The following BRINP3 variants were observed in gnomAD, a reference collection of about 807,000 sequenced individuals.
The protein encoded by BRINP3 is BMP/retinoic acid-inducible neural-specific protein 3.
Under a neutral mutation model 71.0 loss-of-function variants are expected in BRINP3, and 19 were observed. That is an observed-to-expected ratio of 0.27 (90% CI 0.19 to 0.39). The LOEUF is 0.39. Among genes scored for constraint, BRINP3 ranks in the 10% least tolerant of loss-of-function variants. The pLI, the probability that BRINP3 is intolerant of heterozygous loss-of-function variation, is 1.00. For synonymous variants in BRINP3, 380 were observed against 337.7 expected (o/e 1.13, Z -1.37); for missense variants, 959 against 940.8 (o/e 1.02, Z -0.25).
intron 7 of BRINP3, among the ~76,000 whole-genome samples, chr1:190,122,592 AG>A (rs1653763632): frequency 3.6e-5 from 1 of 28,078 alleles, no homozygotes. Context: ...GGGGTGGGGG[AG>A]GGGGAGGGAT....
chr1:190,475,537 G>A (rs1179324351), intron 1 of BRINP3, among the ~76,000 whole-genome samples: 1 of 152,144 alleles, frequency 6.6e-6, no homozygotes, highest in Non-Finnish European at 1.5e-5. Flanking sequence ...TTTCCTACAC[G>A]CATGGGTTAT....
chr1:190,210,383 T>C (rs972350952), intron 6 of BRINP3, among the ~76,000 whole-genome samples: 3 of 152,126 alleles, frequency 2.0e-5, no homozygotes, highest in Admixed American at 6.6e-5. Context: ...TTTGATTTTA[T>C]GATGCTGAAT....
chr1:190,340,739 CA>C (rs531423125), intron 2 of BRINP3, among the ~76,000 whole-genome samples: 42 of 144,698 alleles, frequency 2.9e-4, no homozygotes, highest in East Asian at 2.3e-3. Flanking sequence ...TAGGCCCTGT[CA>C]AAAAAAAAAA....
chr1:190,456,461 A>G (rs1474762611), intron 1 of BRINP3, among the ~76,000 whole-genome samples: 2 of 152,168 alleles, frequency 1.3e-5, no homozygotes, highest in Admixed American at 6.5e-5. Flanking sequence ...TAATAGAAGA[A>G]TTTTGGAATA....
intron 7 of BRINP3, among the ~76,000 whole-genome samples, chr1:190,103,333 C>T (rs1014599827): frequency 6.6e-6 from 1 of 152,042 alleles, no homozygotes; most frequent in African/African-American, 2.4e-5. Context: ...ACGACAGAGT[C>T]TTACACTGGG....
intron 3 of BRINP3, among the ~76,000 whole-genome samples, chr1:190,273,929 T>C (rs1007669937): frequency 1.3e-5 from 2 of 151,638 alleles, no homozygotes; most frequent in African/African-American, 2.4e-5. Context: ...CATGCATACA[T>C]AGTTTCATGA....
chr1:190,459,301 T>A (rs915381786), intron 1 of BRINP3, among the ~76,000 whole-genome samples: 2 of 151,684 alleles, frequency 1.3e-5, no homozygotes, highest in African/African-American at 4.8e-5. Flanking sequence ...ATAAATAATA[T>A]GTGTATAATA....
intron 2 of BRINP3, among the ~76,000 whole-genome samples, chr1:190,391,443 G>A (rs1220100742): frequency 6.6e-6 from 1 of 151,632 alleles, no homozygotes; most frequent in Non-Finnish European, 1.5e-5. Flanking sequence ...ATTTTAATTG[G>A]AAAGATCATT....
At chr1:190,128,737 G>A (rs1416307534) in intron 7 of BRINP3, among the ~76,000 whole-genome samples, 1 of 151,720 alleles carries the variant, frequency 6.6e-6, no homozygotes, top group African/African-American at 2.4e-5. Context: ...ACCTATGCAC[G>A]AAGTAGCAGA....
At chr1:190,156,596 T>C (rs1656886929) in intron 7 of BRINP3, among the ~76,000 whole-genome samples, 2 of 152,000 alleles carry the variant, frequency 1.3e-5, no homozygotes, top group Non-Finnish European at 2.9e-5. Flanking sequence ...AATGTTACAT[T>C]GGCAGTAAAA....
intron 2 of BRINP3, among the ~76,000 whole-genome samples, chr1:190,427,398 A>C (rs2102488901): frequency 6.6e-6 from 1 of 152,136 alleles, no homozygotes; most frequent in South Asian, 2.1e-4. Context: ...ATAAAGAAAT[A>C]AGTCATACAG....
At chr1:190,247,034 T>C (rs567522784) in intron 4 of BRINP3, among the ~76,000 whole-genome samples, 2 of 152,100 alleles carry the variant, frequency 1.3e-5, no homozygotes, top group East Asian at 1.9e-4. Context: ...GTTTAAGCTA[T>C]GAAGAATAAC....
rs113100700 is a variant in BRINP3 at position 190,225,716 on chromosome 1, A to G, written c.961+366T>C. Among the ~76,000 whole-genome samples, 487 of 152,156 alleles carry G rather than the reference A, an allele frequency of 3.2e-3. 4 individuals are homozygous for G. The highest frequency in any genetic ancestry group is 0.011 in the African/African-American group (460 of 41,568). ...ATGAGAATCATGTTGAAAAAGGTAT[A>G]GAACAAATGCTGTCTTCATTTTGCT... On this transcript the variant is annotated intron_variant, in intron 6 of 7. Coordinates refer to ENST00000367462, the MANE Select transcript of BRINP3 (RefSeq NM_199051.3).
intron 2 of BRINP3, among the ~76,000 whole-genome samples, chr1:190,404,839 G>T (rs1161703265): frequency 2.0e-5 from 3 of 152,072 alleles, no homozygotes; most frequent in African/African-American, 2.4e-5. Context: ...TCTCTGAACA[G>T]CAGTGATTTT....
intron 4 of BRINP3, among the ~76,000 whole-genome samples, chr1:190,257,869 G>A (rs772796684): frequency 6.6e-6 from 1 of 152,102 alleles, no homozygotes; most frequent in Non-Finnish European, 1.5e-5. Context: ...TCCCAGAGGG[G>A]CACCCACCTG....
intron 1 of BRINP3, among the ~76,000 whole-genome samples, chr1:190,467,741 A>G (rs1216989850): frequency 1.3e-5 from 2 of 151,600 alleles, no homozygotes; most frequent in Non-Finnish European, 3.0e-5. Context: ...TAACTTCTAA[A>G]ATAGCCCAAA....
intron 6 of BRINP3, among the ~76,000 whole-genome samples, chr1:190,192,798 T>C (rs958466518): frequency 6.6e-5 from 10 of 152,108 alleles, no homozygotes; most frequent in Non-Finnish European, 1.3e-4. Context: ...CCAGGCTCAA[T>C]AAAACTGGTT....
intron 2 of BRINP3, among the ~76,000 whole-genome samples, chr1:190,384,586 G>A (rs4361986): frequency 6.6e-6 from 1 of 151,716 alleles, no homozygotes; most frequent in Non-Finnish European, 1.5e-5. Flanking sequence ...AAAAATAATA[G>A]TTCTTACTGT....
intron 6 of BRINP3, among the ~76,000 whole-genome samples, chr1:190,205,660 T>A (rs1571357903): frequency 6.6e-6 from 1 of 152,192 alleles, no homozygotes; most frequent in South Asian, 2.1e-4. Context: ...TTCAGATTCA[T>A]GTTTACTATA....
Sources: gnomAD v4.1 joint callset for allele counts (sites outside exome capture counted in the v4.1 genomes callset) on GRCh38, gnomAD v4.1.1 for gene constraint, MANE v1.5 for transcripts, NCBI Gene and HGNC (gene_info 2026-07-23, HGNC 2026-07-21) for gene names.